Variants in KDM2B observed in about 807,000 individuals in gnomAD.
KDM2B encodes the protein lysine demethylase 2B.
In KDM2B, 26 loss-of-function variants were observed where a neutral mutation model predicts 150.0. The ratio of observed to expected loss-of-function variants is 0.17; its 90% CI spans 0.13 to 0.24. The LOEUF is 0.24. Ranked by LOEUF, KDM2B falls within the 10% of genes least tolerant of loss-of-function variation. The pLI, the probability that KDM2B is intolerant of heterozygous loss-of-function variation, is 1.00. For synonymous variants in KDM2B, 734 were observed against 729.5 expected (o/e 1.01, Z -0.10); for missense variants, 1,265 against 1,816.9 (o/e 0.70, Z 5.52).
chr12:121,425,069 T>C (rs1410654716), downstream of KDM2B, among the ~76,000 whole-genome samples: 2 of 152,116 alleles, frequency 1.3e-5, no homozygotes, highest in African/African-American at 4.8e-5. Context: ...CCTAGCACTT[T>C]GGGAGGCTGA....
intron 11 of KDM2B, among the ~76,000 whole-genome samples, chr12:121,501,631 T>A: frequency 6.6e-6 from 1 of 152,114 alleles, no homozygotes; most frequent in East Asian, 1.9e-4. Flanking sequence ...TTTGTTTGTT[T>A]GTTTTTTGAG....
rs1566242752 is a variant in KDM2B, at chr12:121,429,811, A to G, written c.*477T>C. On this transcript the variant is annotated 3_prime_UTR_variant, in exon 23 of 23. Coordinates refer to ENST00000377071, the MANE Select transcript of KDM2B (RefSeq NM_032590.5). Reference sequence around the variant, plus strand: ...TAAATAACTTTTAAACAATTTGTACAAAAATAGTTCTGCATAATGTAAGAT... The same window carrying G: ...TAAATAACTTTTAAACAATTTGTACGAAAATAGTTCTGCATAATGTAAGAT... 1.8e-6 allele frequency: 1 copy of G among 541,952 alleles called. No homozygotes were observed. The highest frequency in any genetic ancestry group is 3.2e-6 in the Non-Finnish European group (1 of 308,624). The allele number at this position is 541,952 out of a possible 1,614,324, so 33.6% of individuals were successfully genotyped here.
At chr12:121,499,551 T>C (rs538743584) in intron 11 of KDM2B, among the ~76,000 whole-genome samples, 4 of 151,982 alleles carry the variant, frequency 2.6e-5, no homozygotes, top group Non-Finnish European at 4.4e-5. Flanking sequence ...CTTGGGGAGA[T>C]TGAGGTGGGA....
intron 10 of KDM2B, among the ~76,000 whole-genome samples, chr12:121,512,630 T>C (rs1885687993): frequency 6.6e-6 from 1 of 152,130 alleles, no homozygotes; most frequent in African/African-American, 2.4e-5. Flanking sequence ...GTTCTTCCTC[T>C]AGATTGCTGG....
chr12:121,481,432 C>T (rs1882122590), intron 12 of KDM2B, among the ~76,000 whole-genome samples: 1 of 149,888 alleles, frequency 6.7e-6, no homozygotes, highest in Admixed American at 6.8e-5. Context: ...AACCTTGTCC[C>T]TTTTTCAATA....
intron 4 of KDM2B, among the ~76,000 whole-genome samples, chr12:121,572,735 G>T (rs1387177786): frequency 6.6e-6 from 1 of 151,806 alleles, no homozygotes; most frequent in Non-Finnish European, 1.5e-5. Context: ...ATGGCCTGCG[G>T]GCGTGAACTC....
intron 6 of KDM2B, among the ~76,000 whole-genome samples, chr12:121,538,019 G>A (rs1186929040): frequency 6.7e-6 from 1 of 149,106 alleles, no homozygotes; most frequent in East Asian, 2.0e-4. Context: ...GCGGCAACGC[G>A]AGCCGAGCCC....
chr12:121,573,692 A>T (rs1001976332), intron 4 of KDM2B, among the ~76,000 whole-genome samples: 1 of 150,700 alleles, frequency 6.6e-6, no homozygotes, highest in Non-Finnish European at 1.5e-5. Context: ...GGTTCACACC[A>T]TTCTCCTGCC....
In KDM2B at chr12:121,467,538, C is replaced by T. The variant is rs1880227123; in HGVS notation, c.1735-14194G>A. On this transcript the variant is annotated intron_variant, in intron 12 of 22. Transcript: ENST00000377071. The surrounding 1 kb of genome is among the most constrained non-coding windows in gnomAD (Gnocchi z 5.1). The stretch of plus-strand genomic sequence containing the variant: ...AGCCCGGCCTGCGGTGACACGGGGG[C>T]GGGCCGCCGAGGGCGGTCCCTCGCG... 5.9e-6 allele frequency: 1 copy of T among 170,660 alleles called. No individual in the cohort carries two copies. Among genetic ancestry groups the T allele is most frequent in the Non-Finnish European group, 1.1e-5 (1 of 87,660 alleles). The allele number at this position is 170,660 out of a possible 1,614,324, so 10.6% of individuals were successfully genotyped here.
intron 12 of KDM2B, among the ~76,000 whole-genome samples, chr12:121,484,893 G>A (rs1276239566): frequency 6.6e-6 from 1 of 152,108 alleles, no homozygotes; most frequent in African/African-American, 2.4e-5. Flanking sequence ...TGATAACAAG[G>A]GTTGGGGGCT....
At chr12:121,444,362 C>T (rs782187314) in intron 15 of KDM2B, 88 bp downstream of exon 15, 4 of 1,607,070 alleles carry the variant, frequency 2.5e-6, no homozygotes, top group Non-Finnish European at 3.4e-6. Context: ...AACCCACCTG[C>T]CTGAAACTCC....
chr12:121,518,724 C>T lies in KDM2B; in HGVS notation c.1047+2261G>A, dbSNP rs1785446093. 6.6e-6 allele frequency among the ~76,000 whole-genome samples: 1 copy of T among 152,174 alleles called. No individual in the cohort carries two copies. The highest frequency in any genetic ancestry group is 2.4e-5 in the African/African-American group (1 of 41,430). On this transcript the variant is annotated intron_variant, in intron 9 of 22. Transcript: ENST00000377071. The surrounding 1 kb of genome is among the most constrained non-coding windows in gnomAD (Gnocchi z 4.4). Reference sequence around the variant, plus strand: ...GTGGTTGTCCAGCAAGTAGCCACAGCCTTTAGAAATCCCAGCCTGACTCCG... The same window carrying T: ...GTGGTTGTCCAGCAAGTAGCCACAGTCTTTAGAAATCCCAGCCTGACTCCG...
the KDM2B span, among the ~76,000 whole-genome samples, chr12:121,413,023 T>A: frequency 1.1e-4 from 16 of 151,154 alleles, no homozygotes; most frequent in Middle Eastern, 3.4e-3. Flanking sequence ...CCAGGCTATT[T>A]TTTTTTTCCT....
chr12:121,541,165 G>A (rs181809836), intron 6 of KDM2B, among the ~76,000 whole-genome samples: 4 of 152,066 alleles, frequency 2.6e-5, no homozygotes, highest in Admixed American at 2.6e-4. Flanking sequence ...CCAGGAGGCG[G>A]AGGTTGGGGT....
At chr12:121,526,127 G>A (rs190500085) in intron 8 of KDM2B, among the ~76,000 whole-genome samples, 4 of 152,104 alleles carry the variant, frequency 2.6e-5, no homozygotes, top group East Asian at 1.9e-4. Flanking sequence ...CAAGGCAGGC[G>A]GATCACTTGA....
At chr12:121,544,277 A>C (rs1555310253) in intron 6 of KDM2B, among the ~76,000 whole-genome samples, 1 of 151,518 alleles carries the variant, frequency 6.6e-6, no homozygotes. Context: ...CTGGGCAACA[A>C]AGCAAGACTC....
intron 16 of KDM2B, 88 bp from the exon 17 acceptor site, chr12:121,443,881 G>T (rs1257360815): frequency 5.0e-6 from 7 of 1,407,260 alleles, no homozygotes; most frequent in Non-Finnish European, 6.8e-6. Context: ...TAGGTGACCT[G>T]CTCAGGGCAG....
intron 12 of KDM2B, among the ~76,000 whole-genome samples, chr12:121,477,547 C>T (rs565378773): frequency 1.9e-4 from 29 of 149,402 alleles, no homozygotes; most frequent in African/African-American, 4.9e-4. Flanking sequence ...CCATGCCCAG[C>T]TAATTTTTTT....
At chr12:121,436,707 G>A (rs782106939) in intron 22 of KDM2B, among the ~76,000 whole-genome samples, 12 of 152,128 alleles carry the variant, frequency 7.9e-5, no homozygotes, top group African/African-American at 1.2e-4. Context: ...CAGACGTCCA[G>A]ACTGAACGGC....
Sources: gnomAD v4.1 joint callset for allele counts (sites outside exome capture counted in the v4.1 genomes callset) on GRCh38, gnomAD v4.1.1 for gene constraint, Gnocchi (gnomAD v3.1) non-coding constraint, MANE v1.5 for transcripts, NCBI Gene and HGNC (gene_info 2026-07-23, HGNC 2026-07-21) for gene names.